CHRNA5: variants seen among roughly 807,000 people sequenced by gnomAD.
CHRNA5 encodes neuronal acetylcholine receptor subunit alpha-5.
In CHRNA5, 28 loss-of-function variants were observed where a neutral mutation model predicts 41.2. That is an observed-to-expected ratio of 0.68 (90% CI 0.50 to 0.93). The LOEUF is 0.93. CHRNA5 is among the 40% of genes least tolerant of loss of function. CHRNA5 has a pLI of 0.00. For synonymous variants in CHRNA5, 188 were observed against 205.8 expected (o/e 0.91, Z 0.74); for missense variants, 481 against 581.9 (o/e 0.83, Z 1.78).
chr15:78,573,859 C>T (rs1322702804), intron 1 of CHRNA5, among the ~76,000 whole-genome samples: 7 of 150,546 alleles, frequency 4.6e-5, no homozygotes, highest in East Asian at 2.0e-4. Context: ...GGCACAATCT[C>T]GGCTCACTGC....
Position 78,588,459 on chromosome 15 carries a change from A to G in CHRNA5, c.413+36A>G, listed in dbSNP as rs1341129497. ...TTCTAAATATAGTTTTATATTTTCA[A>G]AAGAAAACATTTGTATTTCTATTAG... On this transcript the variant is annotated intron_variant, in intron 4 of 5. Coordinates refer to ENST00000299565, the Ensembl canonical transcript of CHRNA5. The surrounding 1 kb of genome is among the most constrained non-coding windows in gnomAD (Gnocchi z 4.1). The G allele has an allele frequency of 9.6e-7, 1 of 1,041,654 alleles. No homozygotes were observed. Among genetic ancestry groups the G allele is most frequent in the Non-Finnish European group, 1.4e-6 (1 of 735,368 alleles). 64.5% of individuals were successfully genotyped at this position (1,041,654 alleles called of 1,614,324 possible).
Position 78,582,471 on chromosome 15 carries a change from C to A in CHRNA5, c.258+1509C>A, listed in dbSNP as rs62008250. On this transcript the variant is annotated intron_variant, in intron 2 of 5. Transcript: ENST00000299565. Reference sequence around the variant, plus strand: ...CTGCACTCCAGCCTGGGCAACAGAGCAAGACTCTGTCTCAAAAAAAAAAAG... The same window carrying A: ...CTGCACTCCAGCCTGGGCAACAGAGAAAGACTCTGTCTCAAAAAAAAAAAG... Among the ~76,000 whole-genome samples the A allele has an allele frequency of 1.7e-3, 245 of 145,190 alleles. 1 individual carries two copies. The highest frequency in any genetic ancestry group is 2.8e-3 in the Non-Finnish European group (184 of 66,686).
chr15:78,584,685 C>T (rs2141415247), intron 2 of CHRNA5, among the ~76,000 whole-genome samples: 1 of 152,340 alleles, frequency 6.6e-6, no homozygotes, highest in South Asian at 2.1e-4. Flanking sequence ...CCATAAGTTT[C>T]ATTAGATTCT....
intron 1 of CHRNA5, among the ~76,000 whole-genome samples, chr15:78,578,131 A>G (rs762867649): frequency 6.6e-6 from 1 of 152,212 alleles, no homozygotes; most frequent in Non-Finnish European, 1.5e-5. Flanking sequence ...AATATCTTCA[A>G]TGCTGTGCAT....
At chr15:78,571,229 A>C (rs1031869899) in intron 1 of CHRNA5, among the ~76,000 whole-genome samples, 1 of 152,246 alleles carries the variant, frequency 6.6e-6, no homozygotes, top group Non-Finnish European at 1.5e-5. Flanking sequence ...AGCCGATGAA[A>C]GTAATTATGG....
At chr15:78,576,375 G>C (rs2052856776) in intron 1 of CHRNA5, among the ~76,000 whole-genome samples, 1 of 152,088 alleles carries the variant, frequency 6.6e-6, no homozygotes, top group African/African-American at 2.4e-5. Flanking sequence ...CGAACTCCTG[G>C]CCTCAAGTGA....
intron 5 of CHRNA5, among the ~76,000 whole-genome samples, chr15:78,592,397 G>A (rs576927614): frequency 6.6e-6 from 1 of 152,184 alleles, no homozygotes; most frequent in Non-Finnish European, 1.5e-5. Flanking sequence ...TGGAGGCACA[G>A]TTCCCATAGA....
intron 1 of CHRNA5, 101 bp downstream of exon 1, chr15:78,565,926 C>A: frequency 3.4e-6 from 2 of 582,204 alleles, no homozygotes; most frequent in Non-Finnish European, 4.8e-6. Flanking sequence ...AACCTGGTTG[C>A]GAGGGGAGGT....
chr15:78,579,821 T>A (rs2052894245), intron 1 of CHRNA5, among the ~76,000 whole-genome samples: 1 of 152,192 alleles, frequency 6.6e-6, no homozygotes, highest in East Asian at 1.9e-4. Context: ...CTTGCTGCAT[T>A]TTCTTCATTT....
At chr15:78,576,641 G>C (rs993651367) in intron 1 of CHRNA5, among the ~76,000 whole-genome samples, 4 of 151,842 alleles carry the variant, frequency 2.6e-5, no homozygotes, top group Non-Finnish European at 5.9e-5. Flanking sequence ...AATTAGCTGG[G>C]TGTGGTGGAA....
At chr15:78,579,993 T>G (rs760865598) in intron 1 of CHRNA5, among the ~76,000 whole-genome samples, 5 of 152,086 alleles carry the variant, frequency 3.3e-5, no homozygotes, top group African/African-American at 7.2e-5. Flanking sequence ...ATTAAGATTA[T>G]GACAGGCCAG....
exon 1 of CHRNA5, chr15:78,565,810 G>C: frequency 8.2e-7 from 1 of 1,222,120 alleles, no homozygotes; most frequent in Non-Finnish European, 1.0e-6. Flanking sequence ...GGGCGCGGCG[G>C]GCGGCGCGCA....
intron 3 of CHRNA5, among the ~76,000 whole-genome samples, chr15:78,586,942 A>G (rs191739201): frequency 1.3e-4 from 20 of 152,208 alleles, no homozygotes; most frequent in African/African-American, 4.6e-4. Context: ...TGAACAAAAC[A>G]GACAAAAAAC....
chr15:78,589,366 TTGG>T (rs1249123442), intron 4 of CHRNA5: 4 of 154,306 alleles, frequency 2.6e-5, no homozygotes, highest in African/African-American at 9.6e-5. Flanking sequence ...CATGCCCAGC[TTGG>T]TGTTCATGGT....
intron 3 of CHRNA5, among the ~76,000 whole-genome samples, chr15:78,587,441 G>T (rs1368128174): frequency 2.9e-5 from 4 of 139,402 alleles, no homozygotes; most frequent in Non-Finnish European, 6.2e-5. Context: ...AGCGTTCCAG[G>T]CAGCAGGACC....
chr15:78,590,176 T>G (rs201483179), exon 5 of CHRNA5: 1 of 1,614,094 alleles, frequency 6.2e-7, no homozygotes, highest in African/African-American at 1.3e-5. Flanking sequence ...ATACCCTGTA[T>G]TGGGCTCTCA....
intron 1 of CHRNA5, 97 bp downstream of exon 1, chr15:78,565,922 G>A (rs1221471977): frequency 3.2e-6 from 2 of 618,150 alleles, no homozygotes. Context: ...GGAAAACCTG[G>A]TTGCGAGGGG....
At chr15:78,579,706 T>G (rs1300377410) in intron 1 of CHRNA5, among the ~76,000 whole-genome samples, 1 of 152,202 alleles carries the variant, frequency 6.6e-6, no homozygotes, top group Non-Finnish European at 1.5e-5. Context: ...AGATGGCTTT[T>G]GTTAGATTCA....
chr15:78,582,498 AAAGAAAAG>A (rs1567058334), intron 2 of CHRNA5, among the ~76,000 whole-genome samples: 2 of 87,952 alleles, frequency 2.3e-5, no homozygotes, highest in Non-Finnish European at 6.7e-5. Flanking sequence ...AAAAAAAAGA[AAAGAAAAG>A]AAAAAGTAAG....
Sources: gnomAD v4.1 joint callset for allele counts (sites outside exome capture counted in the v4.1 genomes callset) on GRCh38, gnomAD v4.1.1 for gene constraint, Gnocchi (gnomAD v3.1) non-coding constraint, MANE v1.5 for transcripts, NCBI Gene and HGNC (gene_info 2026-07-23, HGNC 2026-07-21) for gene names.